Variants in LRRC56 observed in about 807,000 individuals in gnomAD.
LRRC56 encodes leucine rich repeat containing 56, also known as leucine-rich repeat-containing protein 56.
A neutral mutation model predicts 47.8 loss-of-function variants in LRRC56; 41 were observed. The observed-to-expected ratio is 0.86, with a 90% CI of 0.67 to 1.11. LRRC56 has a LOEUF of 1.11. LRRC56 is among the 50% of genes most tolerant of loss of function. The pLI, the probability that LRRC56 is intolerant of heterozygous loss-of-function variation, is 0.00. For missense variants in LRRC56, 759 were observed against 704.2 expected, an observed-to-expected ratio of 1.08 and a Z score of -0.88; for synonymous variants, 387 against 311.2, an observed-to-expected ratio of 1.24 and a Z score of -2.56.
chr11:525,865 C>G, the LRRC56 span, among the ~76,000 whole-genome samples: 1 of 152,058 alleles, frequency 6.6e-6, no homozygotes, highest in Non-Finnish European at 1.5e-5. Context: ...ACACCACACT[C>G]CAGCCTGGGG....
chr11:552,802 C>T, intron 13 of LRRC56, 100 bp downstream of exon 13: 1 of 1,028,284 alleles, frequency 9.7e-7, no homozygotes, highest in South Asian at 1.7e-5. Flanking sequence ...CAACCTGGCC[C>T]TGCTTCCTCA....
chr11:551,935 A>C lies in LRRC56; in HGVS notation c.1006A>C (p.Lys336Gln). 2.5e-6 allele frequency: 4 copies of C among 1,612,614 alleles called. No individual in the cohort carries two copies. Among genetic ancestry groups the C allele is most frequent in the Non-Finnish European group, 3.4e-6 (4 of 1,179,830 alleles). ...AGQVLCGNPTKGLRERRHQCQ... is the reference protein window; with the variant it reads ...AGQVLCGNPTQGLRERRHQCQ... ...CCAAGTCCTCTGTGGGAACCCCACC[A>C]AGGGCCTGCGGGAGCGTAGGCACCA... Residue 336 changes from lysine (K) to glutamine (Q), a missense_variant, in exon 11 of 14, where the codon AAG becomes CAG. Physicochemically the swap from Lys to Gln is moderately conservative, Grantham distance 53 (BLOSUM62 1). Coordinates refer to ENST00000270115, the MANE Select transcript of LRRC56 (RefSeq NM_198075.4).
chr11:552,616 C>A lies in LRRC56; in HGVS notation c.1229C>A (p.Ala410Asp). Residue 410 changes from alanine to aspartate, a missense_variant, in exon 13 of 14, where the codon GCC becomes GAC. By Grantham distance (126) the Ala-to-Asp change is moderately radical (BLOSUM62 -2). Coordinates refer to ENST00000270115, the MANE Select transcript of LRRC56 (RefSeq NM_198075.4). ...HPESQQEGAV[A>D]PWGPRRVPEE... is the part of the protein sequence containing the mutation. ...GAGTCCCAACAGGAAGGGGCTGTAG[C>A]CCCCTGGGGCCCACGGAGGGTCCCT... The A allele has an allele frequency of 6.2e-6, 10 of 1,608,926 alleles. No individual in the cohort carries two copies. The highest frequency in any genetic ancestry group is 8.5e-6 in the Non-Finnish European group (10 of 1,177,512).
rs892177310 is a variant in LRRC56, at chr11:550,132, T to C, written c.484T>C (p.Leu162=). ...DLSPLCLLEQ[L]EVLDLEGNSV... ...GAGCCCACTGTGCCTGCTGGAACAA[T>C]TGGAGGTGCTGGACCTGGAGGGCAA... The change falls in exon 8 of 14, where the codon TTG becomes CTG. Residue 162 remains leucine (L), a synonymous_variant. Coordinates refer to ENST00000270115, the MANE Select transcript of LRRC56 (RefSeq NM_198075.4). 4.3e-6 allele frequency: 7 copies of C among 1,613,386 alleles called. No homozygotes were observed. Among genetic ancestry groups the C allele is most frequent in the South Asian group, 2.2e-5 (2 of 91,072 alleles).
upstream of LRRC56, chr11:535,289 CCCGCCGCCGCCGCCGCCG>C (rs113931482): frequency 7.1e-6 from 1 of 141,190 alleles, no homozygotes. Context: ...GCCCCACCCA[CCCGCCGCCGCCGCCGCCG>C]CCGCCGCTTA....
the LRRC56 span, among the ~76,000 whole-genome samples, chr11:531,922 G>A: frequency 6.6e-6 from 1 of 152,206 alleles, no homozygotes; most frequent in Admixed American, 6.5e-5. Context: ...TCCCAGCAGA[G>A]ACCAGAGCCA....
chr11:542,431 C>T (rs1851838431), intron 5 of LRRC56, among the ~76,000 whole-genome samples: 1 of 151,974 alleles, frequency 6.6e-6, no homozygotes, highest in Non-Finnish European at 1.5e-5. Context: ...GGCAACATAG[C>T]AAGACCCCTG....
chr11:532,888 C>T, upstream of LRRC56: 1 of 874,132 alleles, frequency 1.1e-6, no homozygotes, highest in South Asian at 1.4e-5. Context: ...CCAGGCCCAC[C>T]ACACACACGG....
intron 5 of LRRC56, among the ~76,000 whole-genome samples, chr11:543,381 A>AT (rs1273327825): frequency 8.0e-4 from 120 of 149,334 alleles, no homozygotes; most frequent in African/African-American, 2.8e-3. Context: ...CGCCCGAGTA[A>AT]TTTTTGTATT....
At chr11:550,333 A>G (rs1248780440) in intron 8 of LRRC56, 61 bp downstream of exon 8, 4 of 1,448,426 alleles carry the variant, frequency 2.8e-6, no homozygotes, top group Non-Finnish European at 3.6e-6. Context: ...CTGTGGCTCC[A>G]GCCCCGGGGC....
At chr11:532,676 C>T (rs1191074796), upstream of LRRC56, 3 of 1,613,106 alleles carry the variant, frequency 1.9e-6, no homozygotes, top group Non-Finnish European at 1.7e-6. Context: ...GCCGGGGCCA[C>T]TCTCATCAGG....
intron 5 of LRRC56, among the ~76,000 whole-genome samples, chr11:542,654 G>A (rs916925004): frequency 7.4e-5 from 11 of 148,364 alleles, no homozygotes; most frequent in African/African-American, 2.3e-4. Flanking sequence ...CCGTGTTCAC[G>A]GTGGTGCTGG....
intron 3 of LRRC56, 31 bp from the exon 4 acceptor site, chr11:540,643 G>T (rs764050091): frequency 1.3e-6 from 2 of 1,590,666 alleles, no homozygotes; most frequent in Admixed American, 3.4e-5. Context: ...GAGCAACAGC[G>T]TGGAGCTTTG....
chr11:506,808 A>T, the LRRC56 span: 1 of 152,088 alleles, frequency 6.6e-6, no homozygotes, highest in Non-Finnish European at 1.5e-5. Flanking sequence ...AGGACGAACC[A>T]CGCAGGCGCA....
chr11:542,695 G>A (rs77398237), intron 5 of LRRC56, among the ~76,000 whole-genome samples: 2,823 of 151,504 alleles, frequency 0.019, 85 homozygotes, highest in African/African-American at 0.064. Context: ...TGCACAGCGC[G>A]TCAGGCCACT....
In LRRC56 at chr11:548,477, A is replaced by G. The variant is rs1852200997; in HGVS notation, c.327-1425A>G. On this transcript the variant is annotated intron_variant, in intron 6 of 13. Transcript: ENST00000270115. The stretch of plus-strand genomic sequence containing the variant: ...TTTGTTTGTTTGTTTGTTTGTTTGG[A>G]GACGGAGGCTCGCTCTGTCGTCCAG... Among the ~76,000 whole-genome samples the G allele has an allele frequency of 3.5e-5, 4 of 112,944 alleles. No individual in the cohort carries two copies. In the Admixed American group the frequency reaches 3.7e-4, roughly 10 times the overall value. The allele number at this position is 112,944 out of a possible 152,430, so 74.1% of individuals were successfully genotyped here. A position where few individuals can be genotyped will look rare whatever the true frequency, so the allele number is the denominator to read the frequency against.
chr11:554,513 C>T lies in LRRC56; in HGVS notation c.*237C>T, dbSNP rs902492488. ...GGCCTGGGGAGGGAGGGTCCGGCTC[C>T]CCAGCCCTTCCTTAGGGCCAGGCTT... On this transcript the variant is annotated 3_prime_UTR_variant, in exon 14 of 14. Coordinates refer to ENST00000270115, the MANE Select transcript of LRRC56 (RefSeq NM_198075.4). 2 of 428,324 alleles carry T rather than the reference C, an allele frequency of 4.7e-6. No homozygotes were observed. Among genetic ancestry groups the T allele is most frequent in the Admixed American group, 4.0e-5 (1 of 24,836 alleles). 26.5% of individuals were successfully genotyped at this position (428,324 alleles called of 1,614,324 possible). A position where few individuals can be genotyped will look rare whatever the true frequency, so the allele number is the denominator to read the frequency against.
In LRRC56 at chr11:554,539, T is replaced by A; in HGVS notation, c.*263T>A. 2.9e-6 allele frequency: 1 copy of A among 345,572 alleles called. No individual in the cohort carries two copies. The highest frequency in any genetic ancestry group is 5.0e-6 in the Non-Finnish European group (1 of 198,368). The allele number at this position is 345,572 out of a possible 1,614,324, so 21.4% of individuals were successfully genotyped here. ...CCAGCCCTTCCTTAGGGCCAGGCTTTCCCGCGGGCACGGGGGTGGGGGGTG... is the reference window on the plus strand; with the variant it reads ...CCAGCCCTTCCTTAGGGCCAGGCTTACCCGCGGGCACGGGGGTGGGGGGTG... On this transcript the variant is annotated 3_prime_UTR_variant, in exon 14 of 14. Transcript: ENST00000270115.
the LRRC56 span, among the ~76,000 whole-genome samples, chr11:507,648 G>A: frequency 6.6e-6 from 1 of 152,234 alleles, no homozygotes; most frequent in Non-Finnish European, 1.5e-5. Flanking sequence ...CGCGGCCCCC[G>A]GAGAAAGCGG....
Sources: gnomAD v4.1 joint callset for allele counts (sites outside exome capture counted in the v4.1 genomes callset) on GRCh38, gnomAD v4.1.1 for gene constraint, MANE v1.5 for transcripts, NCBI Gene and HGNC (gene_info 2026-07-23, HGNC 2026-07-21) for gene names.